The following SHOX2 variants were observed in gnomAD, a reference collection of about 807,000 sequenced individuals.
The protein encoded by SHOX2 is short stature homeobox protein 2.
In SHOX2, 13 loss-of-function variants were observed where a neutral mutation model predicts 31.3. The observed-to-expected ratio is 0.42, with a 90% CI of 0.27 to 0.66. The LOEUF (loss-of-function observed/expected upper bound fraction) is 0.66. Ranked by LOEUF, SHOX2 falls within the 30% of genes least tolerant of loss-of-function variation. The pLI is 0.27. For synonymous variants in SHOX2, 244 were observed against 196.2 expected, an observed-to-expected ratio of 1.24 and a Z score of -2.04; for missense variants, 473 against 443.0, an observed-to-expected ratio of 1.07 and a Z score of -0.61.
At chr3:158,098,314 G>C in intron 4 of SHOX2, 30 bp from the exon 5 acceptor site, 2 of 1,609,680 alleles carry the variant, frequency 1.2e-6, no homozygotes, top group Non-Finnish European at 1.7e-6. Flanking sequence ...ACGTTGCAAT[G>C]ACTATCCTAG....
Position 158,096,924 on chromosome 3 carries a change from A to ATATATATATCTATC in SHOX2, c.*1102_*1103insGATAGATATATATA. The stretch of plus-strand genomic sequence containing the variant: ...TATATATATATATATATATATATAT[A>ATATATATATCTATC]TATATATGGCAAATATATGATATAT... On this transcript the variant is annotated 3_prime_UTR_variant, in exon 5 of 5. Transcript: ENST00000483851. The ATATATATATCTATC allele has an allele frequency of 7.9e-6, 1 of 126,232 alleles. No homozygotes were observed. The highest frequency in any genetic ancestry group is 2.5e-4 in the East Asian group (1 of 3,968). The allele number at this position is 126,232 out of a possible 1,614,324, so 7.8% of individuals were successfully genotyped here. A position where few individuals can be genotyped will look rare whatever the true frequency, so the allele number is the denominator to read the frequency against.
At chr3:158,103,305 A>G (rs1216114504) in intron 1 of SHOX2, 2 of 257,526 alleles carry the variant, frequency 7.8e-6, no homozygotes, top group East Asian at 2.0e-4. Flanking sequence ...AAGTCTGGAC[A>G]TAAGGGCGCG....
chr3:158,105,272 ACT>A (rs1442450715), intron 1 of SHOX2: 2 of 631,708 alleles, frequency 3.2e-6, no homozygotes, highest in East Asian at 2.8e-5. Flanking sequence ...CTCCCGGCAA[ACT>A]CTGCGCTAGA....
At position 158,098,032 on chromosome 3, in the gene SHOX2, G is replaced by A; in HGVS notation, c.955C>T (p.Leu319=). ...KAKKHAAALG[L] is the part of the protein sequence containing the mutation. Reference sequence around the variant, plus strand: ...CATTGGTGCTGGCGTTGGCGTCACAGACCCAGGGCTGCGGCGTGCTTTTTG... The same window carrying A: ...CATTGGTGCTGGCGTTGGCGTCACAAACCCAGGGCTGCGGCGTGCTTTTTG... Residue 319 remains leucine, a synonymous_variant, in exon 5 of 5, where the codon CTG becomes TTG. Coordinates refer to ENST00000483851, the MANE Select transcript of SHOX2 (RefSeq NM_001163678.2). The A allele has an allele frequency of 6.3e-7, 1 of 1,595,702 alleles. No homozygotes were observed. The highest frequency in any genetic ancestry group is 8.6e-7 in the Non-Finnish European group (1 of 1,169,218).
rs1436641681 is a variant in SHOX2, at chr3:158,097,155, G to A, written c.*872C>T. ...ATTTCTCAGAGAAATCATTGTCTGT[G>A]GCATTTTTTTGTGTTAATATTATTT... On this transcript the variant is annotated 3_prime_UTR_variant, in exon 5 of 5. Transcript: ENST00000483851. 6.6e-6 allele frequency: 1 copy of A among 151,536 alleles called. No individual in the cohort carries two copies. Among genetic ancestry groups the A allele is most frequent in the African/African-American group, 2.4e-5 (1 of 41,114 alleles). 9.4% of individuals were successfully genotyped at this position (151,536 alleles called of 1,614,324 possible).
rs1713223866 is a variant in SHOX2, at chr3:158,097,920, G to A, written c.*107C>T. 2.1e-6 allele frequency: 3 copies of A among 1,398,702 alleles called. No individual in the cohort carries two copies. The highest frequency in any genetic ancestry group is 2.9e-6 in the Non-Finnish European group (3 of 1,037,262). 86.6% of individuals were successfully genotyped at this position (1,398,702 alleles called of 1,614,324 possible). On this transcript the variant is annotated 3_prime_UTR_variant, in exon 5 of 5. Transcript: ENST00000483851. ...AGGGATGGTCAGTGAGGCGGGAAGA[G>A]GGCCGGCTCCCGAGGTCTCAAAGGG...
chr3:158,102,410 G>A, intron 2 of SHOX2, among the ~76,000 whole-genome samples: 1 of 151,772 alleles, frequency 6.6e-6, no homozygotes, highest in Non-Finnish European at 1.5e-5. Context: ...AGGCAAGGGG[G>A]GTGTGGTTTA....
At chr3:158,105,046 C>T (rs1469833368) in intron 1 of SHOX2, 4 of 531,344 alleles carry the variant, frequency 7.5e-6, no homozygotes, top group Non-Finnish European at 1.4e-5. Context: ...CCCCCCCCCG[C>T]CCCCAACACA....
chr3:158,096,924 A>ATATAT lies in SHOX2; in HGVS notation c.*1098_*1102dup, dbSNP rs1553753363. 1 of 126,244 alleles carries ATATAT rather than the reference A, an allele frequency of 7.9e-6. No homozygotes were observed. The highest frequency in any genetic ancestry group is 3.0e-5 in the African/African-American group (1 of 33,498). The allele number at this position is 126,244 out of a possible 1,614,324, so 7.8% of individuals were successfully genotyped here. A position where few individuals can be genotyped will look rare whatever the true frequency, so the allele number is the denominator to read the frequency against. On this transcript the variant is annotated 3_prime_UTR_variant, in exon 5 of 5. Transcript: ENST00000483851. Reference sequence around the variant, plus strand: ...TATATATATATATATATATATATATATATATATGGCAAATATATGATATAT... The same window carrying ATATAT: ...TATATATATATATATATATATATATATATATTATATATGGCAAATATATGATATAT...
intron 2 of SHOX2, 34 bp downstream of exon 2, chr3:158,102,644 T>C (rs765318337): frequency 6.9e-6 from 11 of 1,587,480 alleles, no homozygotes; most frequent in South Asian, 3.3e-5. Flanking sequence ...CTCTCTCTGC[T>C]CCCTGGGCCC....
chr3:158,102,562 T>C (rs1007794930), intron 2 of SHOX2, 116 bp downstream of exon 2: 1 of 793,470 alleles, frequency 1.3e-6, no homozygotes, highest in Non-Finnish European at 2.1e-6. Flanking sequence ...ATCTCTTTCC[T>C]TCTCATCTTA....
At chr3:158,104,599 C>G (rs1713734788) in intron 1 of SHOX2, among the ~76,000 whole-genome samples, 1 of 152,072 alleles carries the variant, frequency 6.6e-6, no homozygotes, top group South Asian at 2.1e-4. Flanking sequence ...AAGGCTTTGT[C>G]TATTACATGT....
intron 1 of SHOX2, 140 bp downstream of exon 1, chr3:158,105,539 C>A: frequency 1.4e-6 from 1 of 736,686 alleles, no homozygotes. Context: ...TCCACTATCA[C>A]TCTAGCTGAC....
At chr3:158,101,788 T>G (rs1177324116) in intron 2 of SHOX2, among the ~76,000 whole-genome samples, 1 of 152,238 alleles carries the variant, frequency 6.6e-6, no homozygotes, top group African/African-American at 2.4e-5. Flanking sequence ...TTATTCTATT[T>G]TATTATCTGA....
chr3:158,105,128 A>G, intron 1 of SHOX2: 1 of 1,489,790 alleles, frequency 6.7e-7, no homozygotes, highest in Non-Finnish European at 9.0e-7. Flanking sequence ...GCTTCCTTCT[A>G]CCTTGAAAGA....
Position 158,099,918 on chromosome 3 carries a change from T to C in SHOX2, c.644A>G (p.Glu215Gly). The C allele has an allele frequency of 6.2e-7, 1 of 1,614,162 alleles. No homozygotes were observed. The highest frequency in any genetic ancestry group is 8.5e-7 in the Non-Finnish European group (1 of 1,180,022). ...GVLIGAASQFEACRVAPYVNV... is the reference protein window; with the variant it reads ...GVLIGAASQFGACRVAPYVNV... ...GACATAAGGTGCGACTCTACAAGCT[T>C]CAAACTGGCTGGCGGCCCCTATGAG... is the stretch of plus-strand genomic sequence containing the variant. Residue 215 changes from glutamate (E) to glycine (G), a missense_variant, in exon 4 of 5, where the codon GAA becomes GGA. Around this residue, in one of 3 missense-constraint regions of SHOX2, gnomAD observed 182 missense variants for 167.2 expected, o/e 1.09. Coordinates refer to ENST00000483851, the MANE Select transcript of SHOX2 (RefSeq NM_001163678.2).
chr3:158,103,018 TC>T, intron 1 of SHOX2, 132 bp from the exon 2 acceptor site: 4 of 860,448 alleles, frequency 4.6e-6, no homozygotes, highest in Non-Finnish European at 5.6e-6. Context: ...AGAGAATCCT[TC>T]CCCCTCGTGG....
Position 158,106,075 on chromosome 3 carries a change from C to G in SHOX2, c.-51G>C, listed in dbSNP as rs750126385. The stretch of plus-strand genomic sequence containing the variant: ...CAACCTCTGCCAGCAGAGCCCCGCT[C>G]TTTTTTTCCTTCTTCTTTTTTTACT... On this transcript the variant is annotated 5_prime_UTR_variant, in exon 1 of 5. Transcript: ENST00000483851. The G allele has an allele frequency of 1.2e-6, 2 of 1,605,340 alleles. No homozygotes were observed. Among genetic ancestry groups the G allele is most frequent in the Non-Finnish European group, 1.7e-6 (2 of 1,175,744 alleles).
chr3:158,098,363 A>G, intron 4 of SHOX2, 79 bp from the exon 5 acceptor site: 1 of 1,545,854 alleles, frequency 6.5e-7, no homozygotes, highest in Non-Finnish European at 8.8e-7. Flanking sequence ...AACGGCGTCC[A>G]GCTTGGCCAG....
Sources: gnomAD v4.1 joint callset for allele counts (sites outside exome capture counted in the v4.1 genomes callset) on GRCh38, gnomAD v4.1.1 for gene constraint, gnomAD v4.1.1 regional missense constraint, MANE v1.5 for transcripts, NCBI Gene and HGNC (gene_info 2026-07-23, HGNC 2026-07-21) for gene names.